DISC1: variants seen among roughly 807,000 people sequenced by gnomAD.
DISC1 encodes DISC1 scaffold protein, also known as disrupted in schizophrenia 1 protein.
A neutral mutation model predicts 84.5 loss-of-function variants in DISC1; 57 were observed. That is an observed-to-expected ratio of 0.67 (90% CI 0.55 to 0.84). DISC1 has a LOEUF of 0.84. Ranked by LOEUF, DISC1 falls within the 40% of genes least tolerant of loss-of-function variation. The pLI, the probability that DISC1 is intolerant of heterozygous loss-of-function variation, is 0.00. For synonymous variants in DISC1, 411 were observed against 415.2 expected, an observed-to-expected ratio of 0.99 and a Z score of 0.12; for missense variants, 1,000 against 1,057.8, an observed-to-expected ratio of 0.95 and a Z score of 0.76.
At chr1:231,710,879 G>A (rs1234815569) in intron 3 of DISC1, among the ~76,000 whole-genome samples, 1 of 152,212 alleles carries the variant, frequency 6.6e-6, no homozygotes, top group East Asian at 1.9e-4. Flanking sequence ...ATTGCAGGGG[G>A]ATATAATTTA....
chr1:231,687,756 G>T (rs2064474001), intron 1 of DISC1, among the ~76,000 whole-genome samples: 1 of 152,164 alleles, frequency 6.6e-6, no homozygotes, highest in Non-Finnish European at 1.5e-5. Context: ...AAAATAGAAT[G>T]GTGGTTACCA....
intron 12 of DISC1, among the ~76,000 whole-genome samples, chr1:232,034,095 G>A (rs1670302416): frequency 6.6e-6 from 1 of 152,006 alleles, no homozygotes; most frequent in African/African-American, 2.4e-5. Flanking sequence ...CAGGCAGGTT[G>A]GTTAGAGAGA....
chr1:231,819,402 G>A (rs940161598), intron 9 of DISC1, among the ~76,000 whole-genome samples: 1 of 152,150 alleles, frequency 6.6e-6, no homozygotes, highest in Non-Finnish European at 1.5e-5. Context: ...CTGAAGTTAA[G>A]TGCATCAATT....
Position 231,746,777 on chromosome 1 carries a change from G to A in DISC1, c.1118-3149G>A, listed in dbSNP as rs145671408. Among the ~76,000 whole-genome samples, 758 of 151,902 alleles carry A rather than the reference G, an allele frequency of 5.0e-3. 5 individuals carry two copies. The highest frequency in any genetic ancestry group is 0.017 in the African/African-American group (723 of 41,444). On this transcript the variant is annotated intron_variant, in intron 3 of 12. Coordinates refer to ENST00000439617, the MANE Select transcript of DISC1 (RefSeq NM_018662.3). ...GCCTTCTTTTGAGAAATGTCTGTTC[G>A]GATTATTTGCCCATTTTTAAATTAG...
intron 3 of DISC1, among the ~76,000 whole-genome samples, chr1:231,711,880 A>G (rs950629850): frequency 6.6e-6 from 1 of 152,192 alleles, no homozygotes; most frequent in African/African-American, 2.4e-5. Context: ...TCCCTCCCCA[A>G]AGATACCCAC....
intron 11 of DISC1, among the ~76,000 whole-genome samples, chr1:232,012,200 C>T (rs764608690): frequency 6.6e-6 from 1 of 152,164 alleles, no homozygotes; most frequent in Non-Finnish European, 1.5e-5. Flanking sequence ...GCTTAACTTT[C>T]CCTTTTGCAT....
chr1:231,734,483 T>G (rs201068206), intron 3 of DISC1, among the ~76,000 whole-genome samples: 1 of 14,646 alleles, frequency 6.8e-5, no homozygotes, highest in Non-Finnish European at 4.1e-4. Context: ...CATCACGTGC[T>G]CTCTCTCTCT....
At chr1:231,939,747 CTA>C (rs2091194370) in intron 9 of DISC1, among the ~76,000 whole-genome samples, 1 of 144,286 alleles carries the variant, frequency 6.9e-6, no homozygotes, top group Non-Finnish European at 1.6e-5. Flanking sequence ...TCTGCTTATT[CTA>C]TTTTTTTTTT....
intron 10 of DISC1, among the ~76,000 whole-genome samples, chr1:231,963,269 A>G (rs12566923): frequency 0.051 from 7,766 of 151,816 alleles, 303 homozygotes; most frequent in East Asian, 0.21. Context: ...TTTTTTCTGG[A>G]AAGAAACTAA....
At chr1:231,944,910 G>A (rs888699688) in intron 9 of DISC1, 1 of 152,170 alleles carries the variant, frequency 6.6e-6, no homozygotes, top group Non-Finnish European at 1.5e-5. Context: ...AAATATATCT[G>A]CACCCAATAC....
chr1:231,991,217 A>G (rs1468593702), intron 10 of DISC1, among the ~76,000 whole-genome samples: 1 of 152,202 alleles, frequency 6.6e-6, no homozygotes, highest in African/African-American at 2.4e-5. Context: ...TAGCAGATCT[A>G]TTTCCATTCC....
chr1:231,674,876 C>T (rs1027226139), intron 1 of DISC1, among the ~76,000 whole-genome samples: 4 of 152,138 alleles, frequency 2.6e-5, no homozygotes, highest in African/African-American at 4.8e-5. Context: ...TGTAGTGTTC[C>T]GGATGTCCCT....
At chr1:232,000,082 A>G (rs1378017024) in intron 10 of DISC1, among the ~76,000 whole-genome samples, 1 of 152,190 alleles carries the variant, frequency 6.6e-6, no homozygotes, top group Non-Finnish European at 1.5e-5. Context: ...ATCATAACAA[A>G]AACCAAGGAT....
At chr1:232,032,971 A>AT (rs1480552821) in intron 12 of DISC1, among the ~76,000 whole-genome samples, 1 of 151,988 alleles carries the variant, frequency 6.6e-6, no homozygotes, top group Non-Finnish European at 1.5e-5. Context: ...GAGATAGTTT[A>AT]TTTTTCTGTA....
At chr1:231,785,251 G>GTTA (rs1337172839) in intron 6 of DISC1, among the ~76,000 whole-genome samples, 58 of 103,348 alleles carry the variant, frequency 5.6e-4, no homozygotes, top group African/African-American at 1.9e-3. Flanking sequence ...GTGTGTGTGT[G>GTTA]TGTTATTTTA....
intron 11 of DISC1, among the ~76,000 whole-genome samples, chr1:232,018,887 A>G (rs1400748729): frequency 6.6e-6 from 1 of 152,164 alleles, no homozygotes; most frequent in Non-Finnish European, 1.5e-5. Context: ...GGCTGCACTG[A>G]GGCAAAGGCA....
chr1:231,893,175 CAAAA>C (rs905313244), intron 9 of DISC1, among the ~76,000 whole-genome samples: 5 of 151,374 alleles, frequency 3.3e-5, no homozygotes, highest in Non-Finnish European at 7.4e-5. Context: ...AAAACAAAAA[CAAAA>C]AACAATGTGG....
intron 10 of DISC1, among the ~76,000 whole-genome samples, chr1:231,967,180 A>G (rs1461740929): frequency 6.6e-6 from 1 of 152,240 alleles, no homozygotes; most frequent in Non-Finnish European, 1.5e-5. Context: ...GGTGGCCAGC[A>G]GGGTGAGCAG....
In DISC1 at chr1:231,854,771, G is replaced by T. The variant is rs1329926751; in HGVS notation, c.1981+36254G>T. The stretch of plus-strand genomic sequence containing the variant: ...CTCACTCTGTCGCCCAGTCTGGAGT[G>T]CAGTGGTACGATCTTGCTCACTGCA... On this transcript the variant is annotated intron_variant, in intron 9 of 12. Transcript: ENST00000439617. 2 of 186,950 alleles carry T rather than the reference G, an allele frequency of 1.1e-5. 1 individual carries two copies. Among genetic ancestry groups the T allele is most frequent in the South Asian group, 1.6e-4 (2 of 12,666 alleles). The allele number at this position is 186,950 out of a possible 1,614,324, so 11.6% of individuals were successfully genotyped here.
Sources: allele counts gnomAD v4.1 joint callset (sites outside exome capture counted in the v4.1 genomes callset), GRCh38; gene constraint gnomAD v4.1.1; transcripts MANE v1.5; gene names NCBI Gene and HGNC (gene_info 2026-07-23, HGNC 2026-07-21).